Variants in GRM3 observed in about 807,000 individuals in gnomAD.
GRM3 encodes glutamate metabotropic receptor 3.
In GRM3, 26 loss-of-function variants were observed where a neutral mutation model predicts 70.5. That is an observed-to-expected ratio of 0.37 (90% CI 0.27 to 0.51). The LOEUF is 0.51. GRM3 is among the 20% of genes least tolerant of loss of function. The probability of loss-of-function intolerance (pLI) is 0.93; values close to 1 mark genes in which losing one functional copy is unlikely to be tolerated. For missense variants in GRM3, 859 were observed against 1,123.8 expected (o/e 0.76, Z 3.37); for synonymous variants, 443 against 434.9 (o/e 1.02, Z -0.23).
chr7:86,801,269 C>G (rs1437877489), intron 3 of GRM3, among the ~76,000 whole-genome samples: 2 of 152,054 alleles, frequency 1.3e-5, no homozygotes, highest in Non-Finnish European at 2.9e-5. Context: ...CGGGGTTTCA[C>G]TATGTTGGCC....
intron 2 of GRM3, among the ~76,000 whole-genome samples, chr7:86,770,951 C>A (rs1471190261): frequency 6.6e-6 from 1 of 152,054 alleles, no homozygotes; most frequent in African/African-American, 2.4e-5. Context: ...CACCCTCTAC[C>A]CATGAGATGC....
chr7:86,804,859 T>C (rs909114956), intron 3 of GRM3, among the ~76,000 whole-genome samples: 4 of 152,204 alleles, frequency 2.6e-5, no homozygotes, highest in African/African-American at 9.7e-5. Context: ...ATGCCTATAA[T>C]CCCAATGTTT....
At chr7:86,670,603 T>C (rs1263398332) in intron 1 of GRM3, among the ~76,000 whole-genome samples, 1 of 152,212 alleles carries the variant, frequency 6.6e-6, no homozygotes. Context: ...TAGAACTTGA[T>C]TTCTTCTTGA....
chr7:86,780,629 G>T (rs1159820209), intron 2 of GRM3, among the ~76,000 whole-genome samples: 2 of 152,178 alleles, frequency 1.3e-5, no homozygotes. Context: ...AGGAACTAAT[G>T]GGTTCTGCTA....
intron 1 of GRM3, among the ~76,000 whole-genome samples, chr7:86,732,684 A>G (rs1795762498): frequency 6.6e-6 from 1 of 152,234 alleles, no homozygotes; most frequent in South Asian, 2.1e-4. Context: ...TAAGGCTTAA[A>G]AAGATTCAAT....
At chr7:86,676,819 A>T (rs1231715882) in intron 1 of GRM3, among the ~76,000 whole-genome samples, 1 of 151,992 alleles carries the variant, frequency 6.6e-6, no homozygotes, top group Non-Finnish European at 1.5e-5. Context: ...ATGGACCCTT[A>T]AACAGAGGTG....
At chr7:86,660,019 C>G (rs1267681081) in intron 1 of GRM3, among the ~76,000 whole-genome samples, 1 of 151,952 alleles carries the variant, frequency 6.6e-6, no homozygotes, top group Admixed American at 6.6e-5. Context: ...AGAAAACTGT[C>G]CTACTTTATT....
intron 1 of GRM3, among the ~76,000 whole-genome samples, chr7:86,729,276 T>C (rs1389341795): frequency 6.6e-6 from 1 of 152,222 alleles, no homozygotes; most frequent in African/African-American, 2.4e-5. Context: ...AAAGTGATGA[T>C]GATAGTGTTT....
intron 3 of GRM3, among the ~76,000 whole-genome samples, chr7:86,817,415 C>A (rs1040200859): frequency 3.3e-5 from 5 of 151,906 alleles, no homozygotes; most frequent in African/African-American, 1.2e-4. Flanking sequence ...GCTACAATTC[C>A]AATCTTATTT....
intron 1 of GRM3, among the ~76,000 whole-genome samples, chr7:86,677,033 G>A (rs940437079): frequency 6.6e-6 from 1 of 151,870 alleles, no homozygotes; most frequent in African/African-American, 2.4e-5. Context: ...CTTAACTGAG[G>A]CATATCATGT....
intron 1 of GRM3, among the ~76,000 whole-genome samples, chr7:86,726,871 G>A (rs1483562650): frequency 6.6e-6 from 1 of 152,174 alleles, no homozygotes; most frequent in East Asian, 1.9e-4. Flanking sequence ...ATAACTATCT[G>A]TCAGGAGAGG....
At chr7:86,769,124 C>T (rs918779285) in intron 2 of GRM3, among the ~76,000 whole-genome samples, 10 of 152,088 alleles carry the variant, frequency 6.6e-5, no homozygotes, top group Admixed American at 2.6e-4. Context: ...CTCTGATACT[C>T]ACATGCTCCT....
chr7:86,850,258 G>A (rs997805598), intron 4 of GRM3, 112 bp from the exon 5 acceptor site: 80 of 684,100 alleles, frequency 1.2e-4, no homozygotes, highest in Non-Finnish European at 5.5e-5. Context: ...AATAAGGACA[G>A]AGCTGTCAAT....
At position 86,839,609 on chromosome 7, in the gene GRM3, C is replaced by T. The variant is rs1256454799; in HGVS notation, c.2095C>T (p.Gln699Ter). 6.2e-7 allele frequency: 1 copy of T among 1,613,890 alleles called. No homozygotes were observed. The highest frequency in any genetic ancestry group is 1.7e-5 in the Admixed American group (1 of 60,002). Residue 699 changes from glutamine (Q) to a stop codon, truncating the protein, a stop_gained, in exon 4 of 6, where the codon CAA becomes TAA. Coordinates refer to ENST00000361669, the MANE Select transcript of GRM3 (RefSeq NM_000840.3). LOFTEE classifies it high-confidence loss of function. This position sits in a 1 kb window ranked among gnomAD's most constrained non-coding sequence, Gnocchi z 4.5. ...VFICLGLILV[Q>*]IVMVSVWLIL... is the part of the protein sequence containing the mutation. ...CATCTGCCTGGGTCTGATCCTGGTG[C>T]AAATTGTGATGGTGTCTGTGTGGCT...
rs1797233397 is a variant in GRM3 at position 86,786,141 on chromosome 7, T to G, written c.469-120T>G. On this transcript the variant is annotated intron_variant, in intron 2 of 5. Coordinates refer to ENST00000361669, the MANE Select transcript of GRM3 (RefSeq NM_000840.3). The surrounding 1 kb of genome is among the most constrained non-coding windows in gnomAD (Gnocchi z 6.0). The stretch of plus-strand genomic sequence containing the variant: ...CATCTCAAGAACTAACAGAAAAATG[T>G]AGCCATCTAGAGTAGAGGGAAAAGG... The G allele has an allele frequency of 1.2e-6, 1 of 814,834 alleles. No homozygotes were observed. Among genetic ancestry groups the G allele is most frequent in the African/African-American group, 1.7e-5 (1 of 58,374 alleles). The allele number at this position is 814,834 out of a possible 1,614,324, so 50.5% of individuals were successfully genotyped here.
At chr7:86,753,224 T>C (rs1217848902) in intron 1 of GRM3, among the ~76,000 whole-genome samples, 2 of 152,218 alleles carry the variant, frequency 1.3e-5, no homozygotes, top group African/African-American at 4.8e-5. Context: ...TTATCCTCAC[T>C]CCAACAATTT....
chr7:86,786,408 C>T lies in GRM3; in HGVS notation c.616C>T (p.Arg206Cys), dbSNP rs372311811. 3.6e-5 allele frequency: 58 copies of T among 1,614,046 alleles called. No homozygotes were observed. The Admixed American group carries it at 4.5e-4, about 13-fold the overall frequency. The change falls in exon 3 of 6, where the codon CGC becomes TGC. Residue 206 changes from arginine to cysteine, a missense_variant. Physicochemically the swap from Arg to Cys is radical, Grantham distance 180 (BLOSUM62 -3). Coordinates refer to ENST00000361669, the MANE Select transcript of GRM3 (RefSeq NM_000840.3). This position sits in a 1 kb window ranked among gnomAD's most constrained non-coding sequence, Gnocchi z 6.0. ...GGCCAAAGCCATGGCTGAGATCTTG[C>T]GCTTCTTCAACTGGACCTACGTGTC... ...YQAKAMAEIL[R>C]FFNWTYVSTV...
intron 1 of GRM3, among the ~76,000 whole-genome samples, chr7:86,677,441 G>A (rs1794333925): frequency 6.6e-6 from 1 of 151,942 alleles, no homozygotes. Context: ...TCTACTTCCA[G>A]ATTTCTCTTT....
At chr7:86,832,200 A>T (rs1247963219) in intron 3 of GRM3, among the ~76,000 whole-genome samples, 3 of 150,386 alleles carry the variant, frequency 2.0e-5, no homozygotes, top group Non-Finnish European at 4.4e-5. Context: ...AGAAACATTA[A>T]TGAGGCCCTG....
Sources: gnomAD v4.1 joint callset for allele counts (sites outside exome capture counted in the v4.1 genomes callset) on GRCh38, gnomAD v4.1.1 for gene constraint, Gnocchi (gnomAD v3.1) non-coding constraint, MANE v1.5 for transcripts, NCBI Gene and HGNC (gene_info 2026-07-23, HGNC 2026-07-21) for gene names.